The following CDC42BPB variants were observed in gnomAD, a reference collection of about 807,000 sequenced individuals.
CDC42BPB encodes serine/threonine-protein kinase MRCK beta.
A neutral mutation model predicts 214.9 loss-of-function variants in CDC42BPB; 37 were observed. The observed-to-expected ratio is 0.17, with a 90% confidence interval of 0.13 to 0.23. CDC42BPB has a LOEUF of 0.23. Ranked by LOEUF, CDC42BPB falls within the 10% of genes least tolerant of loss-of-function variation. The pLI is 1.00. For missense variants in CDC42BPB, 1,694 were observed against 2,227.0 expected (o/e 0.76, Z 4.82); for synonymous variants, 931 against 884.0 (o/e 1.05, Z -0.94).
At chr14:103,041,758 G>A in intron 1 of CDC42BPB, 1 of 512,488 alleles carries the variant, frequency 2.0e-6, no homozygotes, top group Admixed American at 3.1e-5. Context: ...CATCTCTGTG[G>A]ATCCAAGGAG....
chr14:102,973,820 C>G (rs1893600032), intron 12 of CDC42BPB, among the ~76,000 whole-genome samples, 196 bp downstream of exon 12: 2 of 152,232 alleles, frequency 1.3e-5, no homozygotes, highest in Non-Finnish European at 2.9e-5. Context: ...CAAGCTCTGC[C>G]AGCCGACGCG....
intron 21 of CDC42BPB, among the ~76,000 whole-genome samples, chr14:102,958,060 T>C (rs1363319091): frequency 2.6e-5 from 4 of 152,242 alleles, no homozygotes; most frequent in Non-Finnish European, 5.9e-5. Flanking sequence ...GATGGGGAAC[T>C]GTTCCAGATT....
intron 21 of CDC42BPB, among the ~76,000 whole-genome samples, chr14:102,957,133 G>A (rs1892746119): frequency 6.7e-6 from 1 of 149,890 alleles, no homozygotes; most frequent in Non-Finnish European, 1.5e-5. Context: ...CCTGGGAGGT[G>A]GAGGTTGTGG....
At position 103,049,177 on chromosome 14, in the gene CDC42BPB, C is replaced by A. The variant is rs114908681; in HGVS notation, c.175+7822G>T. Among the ~76,000 whole-genome samples, 698 of 152,326 alleles carry A rather than the reference C, an allele frequency of 4.6e-3. 6 individuals are homozygous for A. Among genetic ancestry groups the A allele is most frequent in the African/African-American group, 0.016 (674 of 41,558 alleles). ...TCAGCAATGTCTAAAATGGTAAAAT[C>A]AGAAATTAGCAGTACCAGCATGCTA... On this transcript the variant is annotated intron_variant, in intron 1 of 36. Transcript: ENST00000361246.
chr14:103,054,473 T>TA (rs1368106670), intron 1 of CDC42BPB, among the ~76,000 whole-genome samples: 2 of 152,230 alleles, frequency 1.3e-5, no homozygotes, highest in African/African-American at 4.8e-5. Flanking sequence ...ACTTGGAAGT[T>TA]AGAGTACCTA....
intron 1 of CDC42BPB, among the ~76,000 whole-genome samples, chr14:103,035,426 G>A (rs1430336895): frequency 6.6e-6 from 1 of 152,138 alleles, no homozygotes; most frequent in Non-Finnish European, 1.5e-5. Flanking sequence ...CAGGTGTGGT[G>A]GTTTACACCT....
At chr14:102,996,349 A>G (rs1402859181) in intron 5 of CDC42BPB, among the ~76,000 whole-genome samples, 2 of 152,144 alleles carry the variant, frequency 1.3e-5, no homozygotes, top group Non-Finnish European at 2.9e-5. Context: ...CAAAAAAGAA[A>G]AGAGAGAGAG....
chr14:103,028,631 G>A (rs971532254), intron 1 of CDC42BPB, among the ~76,000 whole-genome samples: 7 of 152,214 alleles, frequency 4.6e-5, no homozygotes, highest in African/African-American at 7.2e-5. Context: ...CACAGCTGGC[G>A]CTCAACAGGT....
intron 2 of CDC42BPB, among the ~76,000 whole-genome samples, chr14:103,009,481 G>A (rs894072035): frequency 4.6e-5 from 7 of 152,202 alleles, no homozygotes; most frequent in African/African-American, 1.7e-4. Context: ...AAGAAGCAAA[G>A]GCCGCATGGA....
intron 26 of CDC42BPB, 96 bp downstream of exon 26, chr14:102,949,669 A>G: frequency 6.7e-7 from 1 of 1,484,270 alleles, no homozygotes; most frequent in Non-Finnish European, 9.3e-7. Context: ...TGAAGTACTA[A>G]TGAGGTGAAA....
chr14:102,974,775 G>C (rs1220134506), intron 11 of CDC42BPB, among the ~76,000 whole-genome samples: 2 of 152,134 alleles, frequency 1.3e-5, no homozygotes, highest in Non-Finnish European at 2.9e-5. Context: ...GGCTAACACA[G>C]TGAAATCCTG....
At chr14:103,046,563 A>G (rs1244023653) in intron 1 of CDC42BPB, among the ~76,000 whole-genome samples, 1 of 152,226 alleles carries the variant, frequency 6.6e-6, no homozygotes, top group Non-Finnish European at 1.5e-5. Context: ...AAACGTGTGC[A>G]GGAATCAATA....
At position 102,968,468 on chromosome 14, in the gene CDC42BPB, C is replaced by G. The variant is rs1433373751; in HGVS notation, c.2240+4G>C. ...TCTGAACTGAGAAGCTCATGAAAAC[C>G]TACCGTTCTCGCTTTGACTTTTCTA... On this transcript the variant is annotated splice_donor_region_variant and intron_variant, in intron 15 of 36. Transcript: ENST00000361246. 1 of 1,614,006 alleles carries G rather than the reference C, an allele frequency of 6.2e-7. No individual in the cohort carries two copies. Among genetic ancestry groups the G allele is most frequent in the Non-Finnish European group, 8.5e-7 (1 of 1,179,996 alleles).
At chr14:102,950,168 C>T (rs1293030509) in intron 25 of CDC42BPB, 6 of 911,358 alleles carry the variant, frequency 6.6e-6, no homozygotes, top group Non-Finnish European at 7.9e-6. Flanking sequence ...CCGACAGTCT[C>T]GTAGAGGTGG....
chr14:102,941,899 G>C (rs1038802511), intron 30 of CDC42BPB, among the ~76,000 whole-genome samples: 5 of 152,210 alleles, frequency 3.3e-5, no homozygotes, highest in African/African-American at 1.2e-4. Context: ...ACAGGTGATG[G>C]AATTACTTTT....
At chr14:102,941,880 C>G (rs111457725) in intron 30 of CDC42BPB, among the ~76,000 whole-genome samples, 1 of 152,184 alleles carries the variant, frequency 6.6e-6, no homozygotes, top group African/African-American at 2.4e-5. Context: ...ATGAGCAGTT[C>G]TGCATCCTAC....
intron 5 of CDC42BPB, among the ~76,000 whole-genome samples, chr14:102,996,812 CAAAA>C (rs34138749): frequency 8.0e-6 from 1 of 125,208 alleles, no homozygotes; most frequent in Non-Finnish European, 1.6e-5. Flanking sequence ...GACTCCATCT[CAAAA>C]AAAAAAAAAA....
intron 14 of CDC42BPB, chr14:102,968,952 T>G: frequency 1.1e-6 from 1 of 923,946 alleles, no homozygotes; most frequent in Non-Finnish European, 1.3e-6. Flanking sequence ...CCCGAAGCTC[T>G]GCCCCACACC....
intron 1 of CDC42BPB, among the ~76,000 whole-genome samples, chr14:103,031,258 AG>A (rs1887357567): frequency 6.6e-6 from 1 of 152,130 alleles, no homozygotes; most frequent in Admixed American, 6.5e-5. Flanking sequence ...AGTAATAAAC[AG>A]GAAGGAAGGA....
Sources: gnomAD v4.1 joint callset for allele counts (sites outside exome capture counted in the v4.1 genomes callset) on GRCh38, gnomAD v4.1.1 for gene constraint, MANE v1.5 for transcripts, NCBI Gene and HGNC (gene_info 2026-07-23, HGNC 2026-07-21) for gene names.